CEP128: variants seen among roughly 807,000 people sequenced by gnomAD.
The protein encoded by CEP128 is centrosomal protein 128, also known as centrosomal protein 128kDa.
Under a neutral mutation model 156.7 loss-of-function variants are expected in CEP128, and 132 were observed. The ratio of observed to expected loss-of-function variants is 0.84; its 90% CI spans 0.73 to 0.97. The LOEUF (loss-of-function observed/expected upper bound fraction) is 0.97, where lower values mean the gene tolerates loss of function less well. Among genes scored for constraint, CEP128 ranks in the 50% least tolerant of loss-of-function variants. The pLI is 0.00. For missense variants in CEP128, 1,252 were observed against 1,281.9 expected, an observed-to-expected ratio of 0.98 and a Z score of 0.36; for synonymous variants, 469 against 448.9, an observed-to-expected ratio of 1.04 and a Z score of -0.57.
At chr14:80,694,535 T>A (rs1049059503) in intron 19 of CEP128, among the ~76,000 whole-genome samples, 4 of 152,204 alleles carry the variant, frequency 2.6e-5, no homozygotes, top group Admixed American at 2.6e-4. Flanking sequence ...ATAAATAAAA[T>A]GTGGCACATA....
intron 19 of CEP128, among the ~76,000 whole-genome samples, chr14:80,642,707 T>C (rs1894468793): frequency 6.6e-6 from 1 of 151,090 alleles, no homozygotes; most frequent in Non-Finnish European, 1.5e-5. Context: ...AAAATAAACT[T>C]GTAAGAAATG....
At chr14:80,484,994 T>C (rs769234443) in intron 14 of CEP128, among the ~76,000 whole-genome samples, 80 of 152,160 alleles carry the variant, frequency 5.3e-4, no homozygotes, top group Non-Finnish European at 1.1e-3. Flanking sequence ...ACACATTGTC[T>C]ACAGCTCAAA....
chr14:80,615,655 C>T (rs1893178190), intron 19 of CEP128, among the ~76,000 whole-genome samples: 1 of 152,036 alleles, frequency 6.6e-6, no homozygotes, highest in African/African-American at 2.4e-5. Flanking sequence ...TCAAGACCAG[C>T]CTGACCAATA....
At chr14:80,780,167 T>C (rs1240106336) in intron 15 of CEP128, among the ~76,000 whole-genome samples, 34 of 151,870 alleles carry the variant, frequency 2.2e-4, no homozygotes, top group Admixed American at 2.1e-3. Context: ...AGAGAAAAAA[T>C]ATGGATGGCT....
chr14:80,527,623 C>A (rs1387841197), intron 22 of CEP128, among the ~76,000 whole-genome samples: 1 of 152,150 alleles, frequency 6.6e-6, no homozygotes, highest in Non-Finnish European at 1.5e-5. Context: ...ATTAATGACA[C>A]ATGCCACATT....
intron 14 of CEP128, among the ~76,000 whole-genome samples, chr14:80,482,534 T>C (rs1425792211): frequency 6.6e-6 from 1 of 152,214 alleles, no homozygotes; most frequent in Non-Finnish European, 1.5e-5. Flanking sequence ...AGTTGCATTA[T>C]GGTATCTATA....
chr14:80,488,663 T>C (rs1175802130), downstream of CEP128, among the ~76,000 whole-genome samples: 1 of 152,180 alleles, frequency 6.6e-6, no homozygotes, highest in African/African-American at 2.4e-5. Context: ...TAAACCATGT[T>C]GCTATAAAGA....
At chr14:80,822,133 C>T (rs1420680611) in intron 13 of CEP128, among the ~76,000 whole-genome samples, 1 of 152,100 alleles carries the variant, frequency 6.6e-6, no homozygotes, top group Non-Finnish European at 1.5e-5. Context: ...CCATATCATT[C>T]CGCCCCTGGC....
chr14:80,897,626 C>G (rs934127400), intron 7 of CEP128, among the ~76,000 whole-genome samples: 1 of 150,978 alleles, frequency 6.6e-6, no homozygotes, highest in Non-Finnish European at 1.5e-5. Context: ...CTTATTCTCC[C>G]TCACCCACCA....
intron 21 of CEP128, among the ~76,000 whole-genome samples, chr14:80,533,220 T>C (rs1889311906): frequency 6.6e-6 from 1 of 152,146 alleles, no homozygotes; most frequent in Non-Finnish European, 1.5e-5. Context: ...TCTTGAACAA[T>C]AAAATACAAA....
At position 80,766,468 on chromosome 14, in the gene CEP128, C is replaced by G. The variant is rs147999118; in HGVS notation, c.2377-4855G>C. On this transcript the variant is annotated intron_variant, in intron 16 of 24. Coordinates refer to ENST00000555265, the MANE Select transcript of CEP128 (RefSeq NM_152446.5). ...CAGAGCATTCACTTTCCCAGAGGCT[C>G]TAAAGATTATAAGGAGATAGATCTT... 1.9e-3 allele frequency among the ~76,000 whole-genome samples: 288 copies of G among 152,206 alleles called. 2 individuals carry two copies. The highest frequency in any genetic ancestry group is 6.8e-3 in the Middle Eastern group (2 of 294).
intron 2 of CEP128, among the ~76,000 whole-genome samples, chr14:80,938,391 CG>C (rs1235659245): frequency 6.6e-6 from 1 of 151,982 alleles, no homozygotes; most frequent in East Asian, 1.9e-4. Context: ...GGACTACAGG[CG>C]CCTGCCACCA....
intron 8 of CEP128, among the ~76,000 whole-genome samples, chr14:80,890,534 C>T (rs1224678094): frequency 2.0e-5 from 3 of 152,036 alleles, no homozygotes; most frequent in Non-Finnish European, 4.4e-5. Flanking sequence ...GAACAGAAAA[C>T]CAAACACCAT....
chr14:80,491,135 T>C (rs1441232767), intron 6 of CEP128, among the ~76,000 whole-genome samples: 2 of 152,326 alleles, frequency 1.3e-5, no homozygotes, highest in East Asian at 1.9e-4. Flanking sequence ...TGAGTTTACA[T>C]GCATTTAAAA....
intron 8 of CEP128, among the ~76,000 whole-genome samples, chr14:80,875,252 C>A (rs1241703142): frequency 6.6e-6 from 1 of 152,138 alleles, no homozygotes; most frequent in Non-Finnish European, 1.5e-5. Context: ...AGACCCAGTA[C>A]CAAAGTTTAT....
At chr14:80,829,855 A>T (rs1253237804) in intron 13 of CEP128, among the ~76,000 whole-genome samples, 1 of 152,222 alleles carries the variant, frequency 6.6e-6, no homozygotes, top group Non-Finnish European at 1.5e-5. Context: ...GAATAAGAGC[A>T]TTATTAGGCT....
In CEP128 at chr14:80,868,574, G is replaced by GA. The variant is rs549320713; in HGVS notation, c.646-5702dup. On this transcript the variant is annotated intron_variant, in intron 8 of 24. Transcript: ENST00000555265. The stretch of plus-strand genomic sequence containing the variant: ...ATCAAATCACAAAGGAAGACAGAGA[G>GA]AAAAAAATAAATGAAGAAACTATAA... 1.2e-3 allele frequency among the ~76,000 whole-genome samples: 175 copies of GA among 151,284 alleles called. 1 individual carries two copies. Among genetic ancestry groups the GA allele is most frequent in the African/African-American group, 4.0e-3 (166 of 41,428 alleles).
chr14:80,537,698 A>G (rs191975774), intron 21 of CEP128, among the ~76,000 whole-genome samples: 2 of 152,328 alleles, frequency 1.3e-5, no homozygotes, highest in East Asian at 3.9e-4. Context: ...AAGTGATTGC[A>G]TGTTAAAATA....
intron 19 of CEP128, among the ~76,000 whole-genome samples, chr14:80,678,064 GTATATATATA>G (rs1274703937): frequency 1.2e-3 from 34 of 27,464 alleles, no homozygotes; most frequent in Admixed American, 6.0e-3. Flanking sequence ...ATATATATAT[GTATATATATA>G]TATGCTCAAG....
Sources: gnomAD v4.1 joint callset for allele counts (sites outside exome capture counted in the v4.1 genomes callset) on GRCh38, gnomAD v4.1.1 for gene constraint, MANE v1.5 for transcripts, NCBI Gene and HGNC (gene_info 2026-07-23, HGNC 2026-07-21) for gene names.